The following ANKRD30B variants were observed in gnomAD, a reference collection of about 807,000 sequenced individuals.
ANKRD30B encodes the protein ankyrin repeat domain-containing protein 30B.
ANKRD30B carries 144 observed loss-of-function variants against 202.2 expected under a neutral mutation model. That is an observed-to-expected ratio of 0.71 (90% CI 0.62 to 0.82). The LOEUF is 0.82. Ranked by LOEUF, ANKRD30B falls within the 40% of genes least tolerant of loss-of-function variation. The probability of loss-of-function intolerance (pLI) is 0.00; values close to 1 mark genes in which losing one functional copy is unlikely to be tolerated. For synonymous variants in ANKRD30B, 508 were observed against 561.3 expected, an observed-to-expected ratio of 0.91 and a Z score of 1.34; for missense variants, 1,487 against 1,669.1, an observed-to-expected ratio of 0.89 and a Z score of 1.90.
chr18:14,803,785 C>T lies in ANKRD30B; in HGVS notation c.2245C>T (p.His749Tyr). 6.2e-7 allele frequency: 1 copy of T among 1,604,230 alleles called. No individual in the cohort carries two copies. Among genetic ancestry groups the T allele is most frequent in the East Asian group, 2.2e-5 (1 of 44,622 alleles). Residue 749 changes from histidine to tyrosine, a missense_variant, in exon 24 of 44, where the codon CAT becomes TAT. Around this residue, in one of 6 missense-constraint regions of ANKRD30B, gnomAD observed 218 missense variants for 320.1 expected, o/e 0.68. Transcript: ENST00000690538. ...QNDVCLPKAT[H>Y]QKEFDTLSGK... ...TGATGTGTGTTTACCCAAGGCTACA[C>T]ATCAAAAAGAATTCGATACCTTAAG...
intron 15 of ANKRD30B, among the ~76,000 whole-genome samples, chr18:14,790,511 A>G (rs2143921010): frequency 6.6e-6 from 1 of 152,276 alleles, no homozygotes; most frequent in Non-Finnish European, 1.5e-5. Flanking sequence ...ATTCAGTATG[A>G]TATTGGCTGT....
chr18:14,787,793 G>C (rs1490532604), intron 15 of ANKRD30B, among the ~76,000 whole-genome samples: 1 of 152,194 alleles, frequency 6.6e-6, no homozygotes, highest in Non-Finnish European at 1.5e-5. Context: ...GAAAGACATA[G>C]AAAGTATCTG....
At chr18:14,825,763 A>C (rs1031500393) in intron 32 of ANKRD30B, among the ~76,000 whole-genome samples, 6 of 152,228 alleles carry the variant, frequency 3.9e-5, no homozygotes, top group African/African-American at 1.4e-4. Context: ...CTAACTAGGA[A>C]ATATAAATAT....
At chr18:14,892,160 T>C in the ANKRD30B span, among the ~76,000 whole-genome samples, 3 of 152,274 alleles carry the variant, frequency 2.0e-5, no homozygotes, top group Non-Finnish European at 4.4e-5. Context: ...CCTCCCTTTA[T>C]TTAATATATT....
intron 15 of ANKRD30B, among the ~76,000 whole-genome samples, chr18:14,790,600 G>A (rs1368567749): frequency 6.6e-6 from 1 of 152,040 alleles, no homozygotes. Context: ...TTAGCATGAA[G>A]GGTTGTTGAA....
intron 22 of ANKRD30B, among the ~76,000 whole-genome samples, chr18:14,800,249 C>G (rs532018314): frequency 6.7e-6 from 1 of 150,314 alleles, no homozygotes; most frequent in East Asian, 1.9e-4. Context: ...ACCATAAATT[C>G]ACAACATATG....
At chr18:14,804,433 A>G (rs1969371763) in intron 24 of ANKRD30B, among the ~76,000 whole-genome samples, 1 of 140,122 alleles carries the variant, frequency 7.1e-6, no homozygotes, top group Non-Finnish European at 1.5e-5. Context: ...TACACTCCGT[A>G]TAGACCGTAA....
intron 37 of ANKRD30B, among the ~76,000 whole-genome samples, 184 bp downstream of exon 37, chr18:14,840,862 A>G (rs1004021898): frequency 2.0e-5 from 3 of 152,222 alleles, no homozygotes; most frequent in African/African-American, 7.2e-5. Flanking sequence ...GTGCCAAAAA[A>G]GAGCTGAATT....
At chr18:14,826,656 TTCTCTCTCTCTC>T (rs376160221) in intron 32 of ANKRD30B, among the ~76,000 whole-genome samples, 1 of 131,370 alleles carries the variant, frequency 7.6e-6, no homozygotes, top group Non-Finnish European at 1.7e-5. Context: ...TCTGTATTGT[TTCTCTCTCTCTC>T]TCTCTCCCCC....
chr18:14,774,109 G>A (rs897021008), intron 9 of ANKRD30B, among the ~76,000 whole-genome samples: 2 of 152,150 alleles, frequency 1.3e-5, no homozygotes, highest in Admixed American at 6.5e-5. Flanking sequence ...GGTATTGGCT[G>A]AAGACCATGT....
chr18:14,892,811 G>C, the ANKRD30B span, among the ~76,000 whole-genome samples: 28 of 149,682 alleles, frequency 1.9e-4, no homozygotes, highest in Admixed American at 1.8e-3. Context: ...CTAGCTACTT[G>C]AGAGGCTGAG....
At chr18:14,758,086 T>C in intron 5 of ANKRD30B, 134 bp downstream of exon 5, 3 of 941,036 alleles carry the variant, frequency 3.2e-6, no homozygotes, top group South Asian at 3.7e-5. Context: ...GAGTACTGGG[T>C]CCAGGATTCT....
At chr18:14,883,431 ATATATCTCCTGTTCTG>A in the ANKRD30B span, 1 of 103,478 alleles carries the variant, frequency 9.7e-6, no homozygotes, top group Non-Finnish European at 1.9e-5. Flanking sequence ...ATATATCTAT[ATATATCTCCTGTTCTG>A]TATATATCTA....
intron 24 of ANKRD30B, among the ~76,000 whole-genome samples, chr18:14,805,986 C>T (rs575643782): frequency 2.7e-5 from 4 of 150,310 alleles, no homozygotes; most frequent in African/African-American, 2.5e-5. Context: ...TTTGGGAGGC[C>T]GAGGCGGGCA....
chr18:14,855,062 A>G (rs1356429736), downstream of ANKRD30B, among the ~76,000 whole-genome samples: 1 of 152,134 alleles, frequency 6.6e-6, no homozygotes, highest in Non-Finnish European at 1.5e-5. Flanking sequence ...AGCCTTCCAT[A>G]GTGTTTGTGT....
the ANKRD30B span, among the ~76,000 whole-genome samples, chr18:14,927,311 A>G: frequency 6.6e-6 from 1 of 152,134 alleles, no homozygotes; most frequent in Non-Finnish European, 1.5e-5. Flanking sequence ...GGCCTACACA[A>G]TTTTCCATAC....
chr18:14,824,926 A>T (rs536431398), intron 32 of ANKRD30B, among the ~76,000 whole-genome samples: 1 of 152,220 alleles, frequency 6.6e-6, no homozygotes, highest in Non-Finnish European at 1.5e-5. Context: ...CCATTTGGTA[A>T]GCTGAATTTG....
At chr18:14,762,858 C>T (rs558067117) in intron 6 of ANKRD30B, among the ~76,000 whole-genome samples, 33 of 152,058 alleles carry the variant, frequency 2.2e-4, no homozygotes, top group Non-Finnish European at 4.4e-4. Flanking sequence ...TTGCAGGAGA[C>T]AAAGATGGAA....
intron 1 of ANKRD30B, 128 bp downstream of exon 1, chr18:14,748,768 C>A: frequency 9.6e-7 from 1 of 1,038,540 alleles, no homozygotes; most frequent in Non-Finnish European, 1.4e-6. Context: ...GGCGATGGGG[C>A]GGCCGTCCTG....
Sources: allele counts gnomAD v4.1 joint callset (sites outside exome capture counted in the v4.1 genomes callset), GRCh38; gene constraint gnomAD v4.1.1; regional missense constraint gnomAD v4.1.1; transcripts MANE v1.5; gene names NCBI Gene and HGNC (gene_info 2026-07-23, HGNC 2026-07-21).